IQCH: variants seen among roughly 807,000 people sequenced by gnomAD.
The protein encoded by IQCH is IQ motif containing H, also known as IQ domain-containing protein H.
In IQCH, 98 loss-of-function variants were observed where a neutral mutation model predicts 117.0. The ratio of observed to expected loss-of-function variants is 0.84; its 90% confidence interval spans 0.71 to 0.99. The LOEUF (loss-of-function observed/expected upper bound fraction) is 0.99. IQCH is among the 50% of genes least tolerant of loss of function. The probability of loss-of-function intolerance (pLI) is 0.00; values close to 1 mark genes in which losing one functional copy is unlikely to be tolerated. For missense variants in IQCH, 1,102 were observed against 1,243.8 expected (o/e 0.89, Z 1.72); for synonymous variants, 412 against 448.2 (o/e 0.92, Z 1.02).
intron 7 of IQCH, among the ~76,000 whole-genome samples, 170 bp downstream of exon 7, chr15:67,357,591 A>G (rs1032779542): frequency 2.0e-5 from 3 of 152,002 alleles, no homozygotes; most frequent in Admixed American, 6.6e-5. Flanking sequence ...GTACAAGTCA[A>G]CTCTAGCATA....
At chr15:67,281,971 A>C in intron 4 of IQCH, 2 of 350,888 alleles carry the variant, frequency 5.7e-6, no homozygotes, top group South Asian at 4.4e-5. Context: ...TCTGTCAGCC[A>C]CTCTCTGAGG....
intron 14 of IQCH, among the ~76,000 whole-genome samples, chr15:67,414,095 G>T (rs1194291468): frequency 6.6e-6 from 1 of 152,172 alleles, no homozygotes; most frequent in African/African-American, 2.4e-5. Flanking sequence ...CATAAAGTCC[G>T]CCCAGGAAGA....
At chr15:67,317,055 A>G (rs1433660598) in intron 4 of IQCH, among the ~76,000 whole-genome samples, 2 of 152,106 alleles carry the variant, frequency 1.3e-5, no homozygotes, top group African/African-American at 4.8e-5. Flanking sequence ...TAAGATGAAA[A>G]CTTCCCCAAC....
rs769398981 is a variant in IQCH at position 67,465,228 on chromosome 15, C to A, written c.2607C>A (p.Thr869=). Residue 869 remains threonine, a synonymous_variant, in exon 17 of 21, where the codon ACC becomes ACA. Coordinates refer to ENST00000335894, the MANE Select transcript of IQCH (RefSeq NM_001031715.3). This position sits in a 1 kb window ranked among gnomAD's most constrained non-coding sequence, Gnocchi z 5.9. ...GCCATCTGGATTGCAGTTTGAGCAC[C>A]CTGGAAGTGCCCCGCTTTGTTCCAA... ...TNGHLDCSLS[T]LEVPRFVPKE... 1 of 1,614,084 alleles carries A rather than the reference C, an allele frequency of 6.2e-7. No homozygotes were observed. Among genetic ancestry groups the A allele is most frequent in the Admixed American group, 1.7e-5 (1 of 60,010 alleles).
intron 17 of IQCH, among the ~76,000 whole-genome samples, chr15:67,469,513 T>C (rs940015748): frequency 2.6e-5 from 4 of 152,252 alleles, no homozygotes; most frequent in African/African-American, 9.6e-5. Context: ...GGAGTAATAT[T>C]GTGACAGGTC....
intron 1 of IQCH, among the ~76,000 whole-genome samples, chr15:67,257,329 T>G (rs1037341415): frequency 6.6e-6 from 1 of 152,238 alleles, no homozygotes; most frequent in African/African-American, 2.4e-5. Context: ...AGTCAGTGAC[T>G]GAGTGAGTGT....
intron 13 of IQCH, among the ~76,000 whole-genome samples, chr15:67,398,226 T>C (rs1971531308): frequency 6.6e-6 from 1 of 152,136 alleles, no homozygotes; most frequent in South Asian, 2.1e-4. Context: ...CACCTTTCCT[T>C]ACACTAGCAA....
In IQCH at chr15:67,463,478, A is replaced by G. The variant is rs1322446245; in HGVS notation, c.2506-1649A>G. The stretch of plus-strand genomic sequence containing the variant: ...GAAGGTAGACTTGGAGCCAGGTAGA[A>G]TTGGATTCAGATCCCAACACCACCA... On this transcript the variant is annotated intron_variant, in intron 16 of 20. Transcript: ENST00000335894. The surrounding 1 kb of genome is among the most constrained non-coding windows in gnomAD (Gnocchi z 4.0). Among the ~76,000 whole-genome samples, 1 of 152,204 alleles carries G rather than the reference A, an allele frequency of 6.6e-6. No individual in the cohort carries two copies. Among genetic ancestry groups the G allele is most frequent in the Non-Finnish European group, 1.5e-5 (1 of 68,032 alleles).
chr15:67,461,203 C>T (rs992377370), intron 16 of IQCH, among the ~76,000 whole-genome samples: 13 of 152,142 alleles, frequency 8.5e-5, no homozygotes, highest in African/African-American at 3.1e-4. Flanking sequence ...TGTTGAAACC[C>T]CGTCCCTACT....
At position 67,408,558 on chromosome 15, in the gene IQCH, A is replaced by C. The variant is rs2081364167; in HGVS notation, c.2097+8253A>C. Reference sequence around the variant, plus strand: ...TCTGTATGTGTGGAAATATCAAACAAGGCACAGCTCTTCACTCTGATTAAC... The same window carrying C: ...TCTGTATGTGTGGAAATATCAAACACGGCACAGCTCTTCACTCTGATTAAC... On this transcript the variant is annotated intron_variant, in intron 14 of 20. Coordinates refer to ENST00000335894, the MANE Select transcript of IQCH (RefSeq NM_001031715.3). This position sits in a 1 kb window ranked among gnomAD's most constrained non-coding sequence, Gnocchi z 4.2. The C allele has an allele frequency of 6.6e-6, 1 of 152,212 alleles. No homozygotes were observed. The highest frequency in any genetic ancestry group is 1.5e-5 in the Non-Finnish European group (1 of 68,044). The allele number at this position is 152,212 out of a possible 1,614,324, so 9.4% of individuals were successfully genotyped here. A position where few individuals can be genotyped will look rare whatever the true frequency, so the allele number is the denominator to read the frequency against.
At position 67,395,408 on chromosome 15, in the gene IQCH, G is replaced by A. The variant is rs1327234713; in HGVS notation, c.1750G>A (p.Asp584Asn). Residue 584 changes from aspartate (D) to asparagine (N), a missense_variant, in exon 13 of 21, where the codon GAT becomes AAT. By Grantham distance (23) the Asp-to-Asn change is conservative. This residue lies in a region of IQCH where 650 missense variants were observed against 794.3 expected (regional missense o/e 0.82). Transcript: ENST00000335894. This position sits in a 1 kb window ranked among gnomAD's most constrained non-coding sequence, Gnocchi z 4.0. ...CGTCAGCGGGCTCCTCCACAGAGAT[G>A]ATTTAGCTGTGGCCGATATGTTAGA... ...YIVSGLLHRD[D>N]LAVADMLDIP... 8 of 1,614,126 alleles carry A rather than the reference G, an allele frequency of 5.0e-6. No homozygotes were observed. Among genetic ancestry groups the A allele is most frequent in the Non-Finnish European group, 6.8e-6 (8 of 1,179,996 alleles).
At position 67,471,582 on chromosome 15, in the gene IQCH, G is replaced by A. The variant is rs2083072746; in HGVS notation, c.2677-4114G>A. 3.3e-5 allele frequency among the ~76,000 whole-genome samples: 5 copies of A among 152,192 alleles called. No individual in the cohort carries two copies. In the South Asian group the frequency reaches 1.0e-3, roughly 32 times the overall value. On this transcript the variant is annotated intron_variant, in intron 17 of 20. Transcript: ENST00000335894. ...GCAAAGCCCAGGTCTTCTGATTCAA[G>A]TCACCTTCTGATGAAAAGGTTTATT...
intron 3 of IQCH, among the ~76,000 whole-genome samples, chr15:67,266,782 G>A (rs1473331650): frequency 6.6e-6 from 1 of 151,814 alleles, no homozygotes; most frequent in Admixed American, 6.6e-5. Context: ...GATTTTTTTG[G>A]CTGACTTTTC....
At chr15:67,258,772 A>G (rs75956000) in intron 1 of IQCH, among the ~76,000 whole-genome samples, 1 of 152,306 alleles carries the variant, frequency 6.6e-6, no homozygotes, top group Non-Finnish European at 1.5e-5. Flanking sequence ...TAGAAAATTT[A>G]TGGAAAACAA....
intron 3 of IQCH, among the ~76,000 whole-genome samples, chr15:67,268,811 G>C (rs1286461707): frequency 6.6e-6 from 1 of 152,102 alleles, no homozygotes; most frequent in African/African-American, 2.4e-5. Flanking sequence ...GAGAAAGCAT[G>C]CATAACAAGA....
intron 7 of IQCH, 81 bp downstream of exon 7, chr15:67,357,502 A>G (rs2140736598): frequency 1.1e-6 from 1 of 903,280 alleles, no homozygotes; most frequent in Middle Eastern, 2.1e-4. Context: ...TTTACACGTT[A>G]TTGAGTTGTA....
Position 67,472,492 on chromosome 15 carries a change from G to T in IQCH, c.2677-3204G>T, listed in dbSNP as rs938710348. ...ACTGTTCAGAATCCCAGGAGATGGG[G>T]GAAGAGTAGGGGAAAAAACAGCCTG... is the stretch of plus-strand genomic sequence containing the variant. On this transcript the variant is annotated intron_variant, in intron 17 of 20. Transcript: ENST00000335894. This position sits in a 1 kb window ranked among gnomAD's most constrained non-coding sequence, Gnocchi z 4.3. Among the ~76,000 whole-genome samples the T allele has an allele frequency of 1.3e-5, 2 of 152,326 alleles. No homozygotes were observed. Among genetic ancestry groups the T allele is most frequent in the Non-Finnish European group, 2.9e-5 (2 of 68,022 alleles).
chr15:67,261,808 G>C (rs903471025), intron 2 of IQCH, among the ~76,000 whole-genome samples: 1 of 152,154 alleles, frequency 6.6e-6, no homozygotes, highest in Non-Finnish European at 1.5e-5. Flanking sequence ...AGAGTTGGCT[G>C]GGCACAGTAG....
intron 18 of IQCH, among the ~76,000 whole-genome samples, chr15:67,486,043 T>C (rs866164180): frequency 2.1e-5 from 3 of 145,746 alleles, no homozygotes; most frequent in East Asian, 4.0e-4. Flanking sequence ...GTTTTCTTTT[T>C]TTTTTTTTTT....
Sources: allele counts gnomAD v4.1 joint callset (sites outside exome capture counted in the v4.1 genomes callset), GRCh38; gene constraint gnomAD v4.1.1; regional missense constraint gnomAD v4.1.1; non-coding constraint Gnocchi (gnomAD v3.1); transcripts MANE v1.5; gene names NCBI Gene and HGNC (gene_info 2026-07-23, HGNC 2026-07-21).